The following CACNA1D variants were observed in gnomAD, a reference collection of about 807,000 sequenced individuals.
CACNA1D encodes the protein voltage-dependent L-type calcium channel subunit alpha-1D.
Under a neutral mutation model 257.1 loss-of-function variants are expected in CACNA1D, and 55 were observed. That is an observed-to-expected ratio of 0.21 (90% confidence interval 0.17 to 0.27). The LOEUF (loss-of-function observed/expected upper bound fraction) is 0.27. Ranked by LOEUF, CACNA1D falls within the 10% of genes least tolerant of loss-of-function variation. The pLI is 1.00. For missense variants in CACNA1D, 1,876 were observed against 2,784.0 expected, an observed-to-expected ratio of 0.67 and a Z score of 7.34; for synonymous variants, 980 against 1,014.9, an observed-to-expected ratio of 0.97 and a Z score of 0.65.
chr3:53,678,481 A>G (rs1161827481), intron 8 of CACNA1D, among the ~76,000 whole-genome samples: 1 of 152,216 alleles, frequency 6.6e-6, no homozygotes, highest in East Asian at 1.9e-4. Context: ...TTTTAAATCA[A>G]TCCAATTTTG....
Position 53,501,611 on chromosome 3 carries a change from T to A in CACNA1D, c.378-4T>A. On this transcript the variant is annotated splice_polypyrimidine_tract_variant and splice_region_variant and intron_variant, in intron 2 of 47. Transcript: ENST00000350061. ...CACATATATACCTTAACACATTTTT[T>A]CAGACCATTTGACATATTTATATTA... is the stretch of plus-strand genomic sequence containing the variant. 1.3e-6 allele frequency: 2 copies of A among 1,487,116 alleles called. No homozygotes were observed. Among genetic ancestry groups the A allele is most frequent in the Non-Finnish European group, 1.9e-6 (2 of 1,065,980 alleles). 92.1% of individuals were successfully genotyped at this position (1,487,116 alleles called of 1,614,324 possible). A position where few individuals can be genotyped will look rare whatever the true frequency, so the allele number is the denominator to read the frequency against.
At chr3:53,742,083 A>G (rs2095123675) in intron 21 of CACNA1D, among the ~76,000 whole-genome samples, 1 of 152,140 alleles carries the variant, frequency 6.6e-6, no homozygotes, top group Non-Finnish European at 1.5e-5. Flanking sequence ...ATCTGAGACG[A>G]TGGTTCCTGG....
intron 20 of CACNA1D, among the ~76,000 whole-genome samples, chr3:53,739,028 C>T (rs1378265040): frequency 6.6e-6 from 1 of 152,160 alleles, no homozygotes; most frequent in Non-Finnish European, 1.5e-5. Context: ...ATTCATAAGT[C>T]CAAAACCAGA....
At chr3:53,727,924 G>C (rs1169017338) in intron 15 of CACNA1D, among the ~76,000 whole-genome samples, 1 of 151,964 alleles carries the variant, frequency 6.6e-6, no homozygotes, top group South Asian at 2.1e-4. Context: ...CAAGGACAAT[G>C]CTTTGTGCTA....
rs750787201 is a variant in CACNA1D at position 53,808,746 on chromosome 3, G to C, written c.5847G>C (p.Leu1949=). 3.1e-6 allele frequency: 5 copies of C among 1,607,930 alleles called. No individual in the cohort carries two copies. Among genetic ancestry groups the C allele is most frequent in the Non-Finnish European group, 4.2e-6 (5 of 1,179,996 alleles). The change falls in exon 46 of 48, where the codon CTG becomes CTC. Residue 1949 remains leucine, a synonymous_variant. Coordinates refer to ENST00000350061, the MANE Select transcript of CACNA1D (RefSeq NM_001128840.3). ...CCATCTTCCCCCATCGCACGGCCCTGCCTCTGCATCTAATGCAGCAACAGG... is the reference window on the plus strand; with the variant it reads ...CCATCTTCCCCCATCGCACGGCCCTCCCTCTGCATCTAATGCAGCAACAGG... The part of the protein sequence containing the change: ...SSPIFPHRTA[L]PLHLMQQQIM...
chr3:53,701,174 C>T (rs145498151), intron 8 of CACNA1D, among the ~76,000 whole-genome samples: 1,951 of 152,230 alleles, frequency 0.013, 20 homozygotes, highest in Non-Finnish European at 0.021. Flanking sequence ...CAGCGTCTTG[C>T]TCTGTTGCCC....
At chr3:53,674,017 A>G in intron 8 of CACNA1D, 1 of 648,530 alleles carries the variant, frequency 1.5e-6, no homozygotes, top group Non-Finnish European at 2.8e-6. Context: ...CTTGCCAAAC[A>G]CTGTTAATTT....
intron 29 of CACNA1D, among the ~76,000 whole-genome samples, chr3:53,755,563 A>G (rs540476066): frequency 6.6e-6 from 1 of 152,266 alleles, no homozygotes; most frequent in South Asian, 2.1e-4. Context: ...TAAATGGTTG[A>G]TTTTTGCTGG....
chr3:53,578,071 G>A (rs971481789), intron 3 of CACNA1D, among the ~76,000 whole-genome samples: 2 of 152,172 alleles, frequency 1.3e-5, no homozygotes, highest in African/African-American at 4.8e-5. Context: ...AAGTCTGTGG[G>A]GGATGGAAAG....
At chr3:53,567,117 G>T (rs1386929) in intron 3 of CACNA1D, among the ~76,000 whole-genome samples, 1 of 152,174 alleles carries the variant, frequency 6.6e-6, no homozygotes, top group Admixed American at 6.5e-5. Flanking sequence ...ATCTTGGTGA[G>T]AAAAGGGACC....
chr3:53,778,956 T>G (rs2095412076), intron 37 of CACNA1D, among the ~76,000 whole-genome samples: 1 of 152,244 alleles, frequency 6.6e-6, no homozygotes, highest in Non-Finnish European at 1.5e-5. Context: ...CCAGGCCCTG[T>G]GCCTGGCCCA....
intron 3 of CACNA1D, among the ~76,000 whole-genome samples, chr3:53,600,090 A>G (rs1352944853): frequency 6.6e-6 from 1 of 152,248 alleles, no homozygotes; most frequent in Non-Finnish European, 1.5e-5. Context: ...AACCAGAAAC[A>G]AGGGGCCTGA....
intron 9 of CACNA1D, among the ~76,000 whole-genome samples, chr3:53,711,185 T>TGCA (rs148612451): frequency 0.014 from 2,143 of 152,294 alleles, 56 homozygotes; most frequent in African/African-American, 0.048. Context: ...AGTTCGAGGC[T>TGCA]GCAGTCAGCG....
chr3:53,528,184 A>C (rs1252982174), intron 3 of CACNA1D, among the ~76,000 whole-genome samples: 2 of 152,182 alleles, frequency 1.3e-5, no homozygotes, highest in Non-Finnish European at 2.9e-5. Context: ...GTCCATTTCA[A>C]ATTAATTTCT....
At position 53,776,654 on chromosome 3, in the gene CACNA1D, C is replaced by T; in HGVS notation, c.4414C>T (p.Arg1472Trp). ...VIMDNFDYLTRDWSILGPHHL... is the reference protein window; with the variant it reads ...VIMDNFDYLTWDWSILGPHHL... ...CATGGATAATTTCGACTATCTGACC[C>T]GGGACTGGTCTATTTTGGGGCCTCA... Residue 1472 changes from arginine to tryptophan, a missense_variant, in exon 36 of 48, where the codon CGG (arginine) becomes TGG (tryptophan). Coordinates refer to ENST00000350061, the MANE Select transcript of CACNA1D (RefSeq NM_001128840.3). 1.2e-6 allele frequency: 2 copies of T among 1,614,076 alleles called. No homozygotes were observed. The highest frequency in any genetic ancestry group is 8.5e-7 in the Non-Finnish European group (1 of 1,179,968).
At chr3:53,682,365 T>TAAAAAAAAAAAACAAAAAAAAAAAA (rs2094437885) in intron 8 of CACNA1D, among the ~76,000 whole-genome samples, 1 of 47,386 alleles carries the variant, frequency 2.1e-5, no homozygotes, top group Non-Finnish European at 3.7e-5. Context: ...TTGTCTCTGG[T>TAAAAAAAAAAAACAAAAAAAAAAAA]AAAAAAAAAA....
intron 3 of CACNA1D, among the ~76,000 whole-genome samples, chr3:53,647,486 C>G (rs1397543524): frequency 6.6e-6 from 1 of 152,244 alleles, no homozygotes; most frequent in Admixed American, 6.5e-5. Flanking sequence ...GTGCTTCCAT[C>G]AGTCGTGGCC....
intron 3 of CACNA1D, among the ~76,000 whole-genome samples, chr3:53,622,091 A>G (rs1230087212): frequency 6.6e-6 from 1 of 151,576 alleles, no homozygotes; most frequent in East Asian, 1.9e-4. Context: ...TCTGTCACCC[A>G]GGCTGGAGTG....
intron 30 of CACNA1D, among the ~76,000 whole-genome samples, chr3:53,768,540 T>C (rs1434865730): frequency 6.6e-6 from 1 of 152,226 alleles, no homozygotes. Flanking sequence ...GGAGCTGATA[T>C]TTCTTTTGAG....
Sources: allele counts gnomAD v4.1 joint callset (sites outside exome capture counted in the v4.1 genomes callset), GRCh38; gene constraint gnomAD v4.1.1; transcripts MANE v1.5; gene names NCBI Gene and HGNC (gene_info 2026-07-23, HGNC 2026-07-21).